Variants in ACACA observed in about 807,000 individuals in gnomAD.
The protein encoded by ACACA is acetyl-CoA carboxylase 1.
ACACA carries 103 observed loss-of-function variants against 296.1 expected under a neutral mutation model. The ratio of observed to expected loss-of-function variants is 0.35; its 90% CI spans 0.30 to 0.41. The LOEUF is 0.41. Among genes scored for constraint, ACACA ranks in the 10% least tolerant of loss-of-function variants. The pLI is 1.00. For synonymous variants in ACACA, 953 were observed against 1,038.6 expected, an observed-to-expected ratio of 0.92 and a Z score of 1.58; for missense variants, 1,554 against 2,989.7, an observed-to-expected ratio of 0.52 and a Z score of 11.20.
chr17:37,215,995 A>C (rs1398128290), intron 29 of ACACA, among the ~76,000 whole-genome samples: 1 of 151,880 alleles, frequency 6.6e-6, no homozygotes, highest in Non-Finnish European at 1.5e-5. Flanking sequence ...CTGCACCATG[A>C]AAACAACTTG....
chr17:37,335,172 A>G (rs2048058004), intron 2 of ACACA, among the ~76,000 whole-genome samples: 1 of 152,220 alleles, frequency 6.6e-6, no homozygotes, highest in South Asian at 2.1e-4. Flanking sequence ...TGGTAAGCCT[A>G]TTTAATACCA....
At chr17:37,148,055 C>T (rs2075885854) in intron 45 of ACACA, among the ~76,000 whole-genome samples, 1 of 151,798 alleles carries the variant, frequency 6.6e-6, no homozygotes, top group Non-Finnish European at 1.5e-5. Flanking sequence ...CAGAAATTAG[C>T]TCTCTGACTG....
In ACACA at chr17:37,263,563, T is replaced by C. The variant is rs150778415; in HGVS notation, c.1329+122A>G. On this transcript the variant is annotated intron_variant, in intron 11 of 55. Transcript: ENST00000616317. ...GAATTTTTTTTCTCTAAGAAAAGGA[T>C]ATAATTTTATTAATTATTCAGAATC... 274 of 883,438 alleles carry C rather than the reference T, an allele frequency of 3.1e-4. No individual in the cohort carries two copies. The African/African-American group carries it at 4.2e-3, about 13-fold the overall frequency. 54.7% of individuals were successfully genotyped at this position (883,438 alleles called of 1,614,324 possible). A position where few individuals can be genotyped will look rare whatever the true frequency, so the allele number is the denominator to read the frequency against.
chr17:37,176,998 G>A lies in ACACA; in HGVS notation c.5079+2262C>T, dbSNP rs59071509. On this transcript the variant is annotated intron_variant, in intron 41 of 55. Transcript: ENST00000616317. ...AGTCAATCATTTGAAAAGAAAAACA[G>A]AACAAAGAAAATAGGCAACTAAGGA... Among the ~76,000 whole-genome samples, 1,470 of 152,166 alleles carry A rather than the reference G, an allele frequency of 9.7e-3. 23 individuals carry two copies. The highest frequency in any genetic ancestry group is 0.034 in the African/African-American group (1,426 of 41,516).
chr17:37,194,878 G>T (rs113262903), intron 35 of ACACA, among the ~76,000 whole-genome samples: 1 of 152,064 alleles, frequency 6.6e-6, no homozygotes, highest in East Asian at 1.9e-4. Flanking sequence ...TTTTAAAGTG[G>T]ATTTTACACA....
intron 19 of ACACA, 66 bp downstream of exon 19, chr17:37,246,760 C>G (rs999260897): frequency 4.7e-5 from 74 of 1,591,336 alleles, no homozygotes; most frequent in Non-Finnish European, 6.1e-5. Context: ...CAGTCCTAGT[C>G]CATCCCAGCC....
At chr17:37,096,878 A>C in intron 54 of ACACA, 118 bp downstream of exon 54, 5 of 1,217,352 alleles carry the variant, frequency 4.1e-6, no homozygotes, top group Non-Finnish European at 6.1e-6. Flanking sequence ...TTGGATCTCT[A>C]TGTTTCCCTT....
intron 35 of ACACA, among the ~76,000 whole-genome samples, chr17:37,194,516 C>T (rs989556418): frequency 5.3e-5 from 8 of 152,148 alleles, no homozygotes; most frequent in African/African-American, 1.7e-4. Context: ...AGAGCCCATG[C>T]CCTCTGATCT....
At chr17:37,379,246 G>C in intron 1 of ACACA, 1 of 1,614,028 alleles carries the variant, frequency 6.2e-7, no homozygotes, top group East Asian at 2.2e-5. Flanking sequence ...TATATTTGGA[G>C]AGAAGGCCAA....
rs561777274 is a variant in ACACA at position 37,249,913 on chromosome 17, C to G, written c.2082-1239G>C. ...ATGGGGGCGGTTCCCCCATACTGTTCTCATGGTAGTGAATAAGTCTCACGA... is the reference window on the plus strand; with the variant it reads ...ATGGGGGCGGTTCCCCCATACTGTTGTCATGGTAGTGAATAAGTCTCACGA... On this transcript the variant is annotated intron_variant, in intron 16 of 55. Transcript: ENST00000616317. Among the ~76,000 whole-genome samples, 227 of 152,304 alleles carry G rather than the reference C, an allele frequency of 1.5e-3. 1 individual carries two copies. Among genetic ancestry groups the G allele is most frequent in the African/African-American group, 5.3e-3 (220 of 41,580 alleles).
At chr17:37,230,695 T>C (rs1456851106) in intron 25 of ACACA, among the ~76,000 whole-genome samples, 3 of 152,162 alleles carry the variant, frequency 2.0e-5, no homozygotes, top group Admixed American at 6.5e-5. Context: ...CAACAGGAAG[T>C]TTATTACCCT....
At chr17:37,225,271 C>A in intron 26 of ACACA, 166 bp from the exon 27 acceptor site, 1 of 600,334 alleles carries the variant, frequency 1.7e-6, no homozygotes, top group Admixed American at 2.6e-5. Flanking sequence ...AACATAAAGC[C>A]AGTGCCACCA....
chr17:37,129,989 A>G (rs746429197), intron 46 of ACACA, 86 bp downstream of exon 46: 126 of 1,546,226 alleles, frequency 8.1e-5, no homozygotes, highest in Non-Finnish European at 1.1e-4. Context: ...CACCATAAAG[A>G]CAAGACCTTA....
In ACACA at chr17:37,207,677, C is replaced by T; in HGVS notation, c.3831G>A (p.Arg1277=). ...CTTACCTGACAAAATCTTCAAAAGT[C>T]CGAAAAGAGACCATTCCGCCCATCC... is the stretch of plus-strand genomic sequence containing the variant. ...CQRMGGMVSF[R]TFEDFVRIFD... The change falls in exon 31 of 56, where the codon CGG becomes CGA. Residue 1277 remains arginine (R), a synonymous_variant. Transcript: ENST00000616317. The T allele has an allele frequency of 6.2e-7, 1 of 1,613,924 alleles. No homozygotes were observed. The highest frequency in any genetic ancestry group is 8.5e-7 in the Non-Finnish European group (1 of 1,179,894).
intron 1 of ACACA, among the ~76,000 whole-genome samples, chr17:37,364,496 A>G (rs1461776664): frequency 6.6e-6 from 1 of 151,070 alleles, no homozygotes; most frequent in Admixed American, 6.6e-5. Flanking sequence ...TACGAGGCTG[A>G]GGCAGGAGAA....
intron 32 of ACACA, 110 bp downstream of exon 32, chr17:37,206,673 G>A: frequency 1.1e-6 from 1 of 877,484 alleles, no homozygotes; most frequent in Admixed American, 2.1e-5. Context: ...TATAAAGTGG[G>A]GTAAAAGGAT....
At chr17:37,347,838 GAAGAT>G (rs2048703164) in intron 1 of ACACA, among the ~76,000 whole-genome samples, 1 of 150,376 alleles carries the variant, frequency 6.6e-6, no homozygotes. Flanking sequence ...AAACAACTCA[GAAGAT>G]AAGGTTAAAG....
intron 3 of ACACA, among the ~76,000 whole-genome samples, chr17:37,326,544 A>G (rs1413454241): frequency 6.6e-6 from 1 of 151,618 alleles, no homozygotes; most frequent in East Asian, 1.9e-4. Context: ...AAGAAAAAAA[A>G]AAAAGGCTGG....
At chr17:37,216,382 A>G (rs1460884545) in intron 29 of ACACA, among the ~76,000 whole-genome samples, 3 of 152,038 alleles carry the variant, frequency 2.0e-5, no homozygotes, top group Non-Finnish European at 2.9e-5. Flanking sequence ...ATGCCAAATA[A>G]GTTGGAACTA....
Sources: allele counts gnomAD v4.1 joint callset (sites outside exome capture counted in the v4.1 genomes callset), GRCh38; gene constraint gnomAD v4.1.1; transcripts MANE v1.5; gene names NCBI Gene and HGNC (gene_info 2026-07-23, HGNC 2026-07-21).